Variants in PFKP observed in about 807,000 individuals in gnomAD.
The protein encoded by PFKP is ATP-dependent 6-phosphofructokinase, platelet type.
In PFKP, 101 loss-of-function variants were observed where a neutral mutation model predicts 94.3. The observed-to-expected ratio is 1.07, with a 90% confidence interval of 0.91 to 1.26. The LOEUF is 1.26. PFKP is among the 50% of genes most tolerant of loss of function. The pLI is 0.00. For missense variants in PFKP, 1,145 were observed against 1,103.3 expected (o/e 1.04, Z -0.53); for synonymous variants, 573 against 432.6 (o/e 1.32, Z -4.03).
chr10:3,100,794 A>T, intron 3 of PFKP: 2 of 592,712 alleles, frequency 3.4e-6, no homozygotes, highest in East Asian at 2.7e-5. Flanking sequence ...TGTCCCCTGG[A>T]AGTTTGGATG....
At chr10:3,102,103 TA>T (rs1224299362) in intron 4 of PFKP, among the ~76,000 whole-genome samples, 3 of 149,360 alleles carry the variant, frequency 2.0e-5, no homozygotes, top group Admixed American at 6.7e-5. Context: ...TACAAAAAAT[TA>T]GCCGGGCGTA....
chr10:3,135,715 CTT>C lies in PFKP; in HGVS notation c.2123-16_2123-15del, dbSNP rs768260558. 4 of 1,497,192 alleles carry C rather than the reference CTT, an allele frequency of 2.7e-6. No homozygotes were observed. The highest frequency in any genetic ancestry group is 2.8e-6 in the Non-Finnish European group (3 of 1,076,458). The allele number at this position is 1,497,192 out of a possible 1,614,324, so 92.7% of individuals were successfully genotyped here. On this transcript the variant is annotated intron_variant, in intron 20 of 21. Transcript: ENST00000381125. Reference sequence around the variant, plus strand: ...CCCATGTTGACAGGGTGTTATTAATCTTTTTTAAAATCTTTTATAGGAAAAAA... The same window carrying C: ...CCCATGTTGACAGGGTGTTATTAATCTTTTAAAATCTTTTATAGGAAAAAA...
At chr10:3,086,587 A>G (rs1833621442) in intron 2 of PFKP, among the ~76,000 whole-genome samples, 1 of 152,046 alleles carries the variant, frequency 6.6e-6, no homozygotes, top group Non-Finnish European at 1.5e-5. Context: ...ACAGGACCAC[A>G]CCCCACAAAG....
intron 1 of PFKP, among the ~76,000 whole-genome samples, chr10:3,080,179 C>T (rs931609624): frequency 3.3e-5 from 5 of 152,128 alleles, no homozygotes; most frequent in Admixed American, 1.3e-4. Flanking sequence ...GGTTTTCTTC[C>T]AGTAGCCCTG....
At chr10:3,106,481 C>T (rs571513824) in intron 7 of PFKP, among the ~76,000 whole-genome samples, 1 of 151,876 alleles carries the variant, frequency 6.6e-6, no homozygotes, top group African/African-American at 2.4e-5. Context: ...ATCACACCAG[C>T]ACCCTCCACC....
intron 13 of PFKP, among the ~76,000 whole-genome samples, chr10:3,114,972 G>T (rs1032277850): frequency 2.0e-5 from 3 of 152,206 alleles, no homozygotes; most frequent in Admixed American, 2.0e-4. Flanking sequence ...GCAAGAGATG[G>T]TGGGTCCAGA....
At chr10:3,108,582 T>C (rs767025117) in intron 8 of PFKP, 119 bp from the exon 9 acceptor site, 23 of 702,476 alleles carry the variant, frequency 3.3e-5, no homozygotes, top group Admixed American at 7.3e-5. Flanking sequence ...AAATAACTTT[T>C]CCCATTTAGA....
intron 16 of PFKP, among the ~76,000 whole-genome samples, chr10:3,128,640 T>C (rs142421838): frequency 6.6e-6 from 1 of 152,184 alleles, no homozygotes; most frequent in African/African-American, 2.4e-5. Context: ...CCCTGGCGCC[T>C]CCTCCTTCCA....
At chr10:3,104,340 G>C (rs906927255) in intron 5 of PFKP, among the ~76,000 whole-genome samples, 1 of 152,182 alleles carries the variant, frequency 6.6e-6, no homozygotes, top group African/African-American at 2.4e-5. Context: ...GTGTCGTGGG[G>C]GCCACAGCGT....
chr10:3,135,669 G>A (rs535272943), intron 20 of PFKP, 67 bp from the exon 21 acceptor site: 19 of 969,494 alleles, frequency 2.0e-5, no homozygotes, highest in East Asian at 5.1e-5. Context: ...ATCTCGCCCC[G>A]TGATTCTGCT....
rs757570184 is a variant in PFKP at position 3,134,559 on chromosome 10, A to C, written c.2099A>C (p.Lys700Thr). Residue 700 changes from lysine to threonine, a missense_variant, in exon 20 of 22, where the codon AAA (lysine) becomes ACA (threonine). Transcript: ENST00000381125. ...SARAMEWITA[K>T]LKEARGRGKK... is the part of the protein sequence containing the mutation. ...AGAGCTATGGAGTGGATCACTGCAAAACTCAAGGAGGCCCGGGGCAGAGGT... is the reference window on the plus strand; with the variant it reads ...AGAGCTATGGAGTGGATCACTGCAACACTCAAGGAGGCCCGGGGCAGAGGT... The C allele has an allele frequency of 3.7e-6, 6 of 1,613,644 alleles. No individual in the cohort carries two copies. Among genetic ancestry groups the C allele is most frequent in the Non-Finnish European group, 5.1e-6 (6 of 1,179,688 alleles).
intron 19 of PFKP, among the ~76,000 whole-genome samples, chr10:3,134,139 G>C (rs932521768): frequency 1.3e-5 from 2 of 152,196 alleles, no homozygotes; most frequent in African/African-American, 2.4e-5. Flanking sequence ...AGGCATATGT[G>C]TGATCTTCTT....
At chr10:3,132,868 C>T (rs374518966) in intron 18 of PFKP, among the ~76,000 whole-genome samples, 8 of 151,774 alleles carry the variant, frequency 5.3e-5, no homozygotes, top group East Asian at 1.9e-4. Flanking sequence ...GCACAGACAG[C>T]ATGGAGATGC....
At chr10:3,107,778 C>T in intron 8 of PFKP, 1 of 1,196,334 alleles carries the variant, frequency 8.4e-7, no homozygotes, top group Non-Finnish European at 1.1e-6. Context: ...CGTGGCCCTG[C>T]CTGGGAACAG....
At chr10:3,081,097 T>G (rs369686839) in intron 1 of PFKP, among the ~76,000 whole-genome samples, 1 of 152,210 alleles carries the variant, frequency 6.6e-6, no homozygotes, top group Non-Finnish European at 1.5e-5. Flanking sequence ...AATATATATA[T>G]ACACACATAC....
intron 16 of PFKP, chr10:3,124,970 C>A: frequency 1.4e-6 from 1 of 725,382 alleles, no homozygotes; most frequent in Non-Finnish European, 1.8e-6. Flanking sequence ...GGCCCCTTGA[C>A]CCGCATGAAC....
chr10:3,068,558 G>T, intron 1 of PFKP: 1 of 516,662 alleles, frequency 1.9e-6, no homozygotes, highest in Non-Finnish European at 2.5e-6. Flanking sequence ...TCCCTGCCCT[G>T]CAATGTGGAA....
chr10:3,073,482 ACT>A (rs1159781768), intron 1 of PFKP, among the ~76,000 whole-genome samples: 1 of 151,054 alleles, frequency 6.6e-6, no homozygotes, highest in African/African-American at 2.4e-5. Flanking sequence ...TGAGGCTCCG[ACT>A]CTCACGGGGA....
At chr10:3,092,184 G>A (rs985629695) in intron 2 of PFKP, among the ~76,000 whole-genome samples, 4 of 151,886 alleles carry the variant, frequency 2.6e-5, no homozygotes, top group African/African-American at 9.7e-5. Flanking sequence ...CACCCAGACT[G>A]GCCAACCCTT....
Sources: gnomAD v4.1 joint callset for allele counts (sites outside exome capture counted in the v4.1 genomes callset) on GRCh38, gnomAD v4.1.1 for gene constraint, MANE v1.5 for transcripts, NCBI Gene and HGNC (gene_info 2026-07-23, HGNC 2026-07-21) for gene names.